SMG1: variants seen among roughly 807,000 people sequenced by gnomAD.
SMG1 encodes serine/threonine-protein kinase SMG1.
A neutral mutation model predicts 419.9 loss-of-function variants in SMG1; 22 were observed. That is an observed-to-expected ratio of 0.05 (90% CI 0.04 to 0.07). The LOEUF (loss-of-function observed/expected upper bound fraction) is 0.07. Ranked by LOEUF, SMG1 falls within the 10% of genes least tolerant of loss-of-function variation. The pLI, the probability that SMG1 is intolerant of heterozygous loss-of-function variation, is 1.00. For missense variants in SMG1, 3,185 were observed against 4,342.0 expected (o/e 0.73, Z 7.49); for synonymous variants, 1,538 against 1,553.5 (o/e 0.99, Z 0.23).
Position 18,806,525 on chromosome 16 carries a change from A to G in SMG1, c.*3044T>C, listed in dbSNP as rs2030851067. 6.6e-6 allele frequency: 1 copy of G among 152,320 alleles called. No homozygotes were observed. The highest frequency in any genetic ancestry group is 1.5e-5 in the Non-Finnish European group (1 of 68,050). 9.4% of individuals were successfully genotyped at this position (152,320 alleles called of 1,614,324 possible). ...ACTCAATGACCAAAAATAATCAATC[A>G]AACTTCAAGACACACCAAAGCAACA... On this transcript the variant is annotated 3_prime_UTR_variant, in exon 63 of 63. Coordinates refer to ENST00000446231, the MANE Select transcript of SMG1 (RefSeq NM_015092.5).
chr16:18,882,428 T>A lies in SMG1; in HGVS notation c.1120-90A>T, dbSNP rs2036439847. 6 of 697,648 alleles carry A rather than the reference T, an allele frequency of 8.6e-6. No individual in the cohort carries two copies. The South Asian group carries it at 2.5e-4, about 29-fold the overall frequency. The allele number at this position is 697,648 out of a possible 1,614,324, so 43.2% of individuals were successfully genotyped here. On this transcript the variant is annotated intron_variant, in intron 9 of 62. Transcript: ENST00000446231. ...TCTAAAATATTTCAATCAATTCATT[T>A]TAGAATAGATTTTTAGGCTTTTAGA... is the stretch of plus-strand genomic sequence containing the variant.
chr16:18,921,110 C>T (rs2038179855), intron 1 of SMG1, among the ~76,000 whole-genome samples: 1 of 149,456 alleles, frequency 6.7e-6, no homozygotes, highest in Admixed American at 6.7e-5. Flanking sequence ...TATACTCCAG[C>T]CTGGGCGACA....
intron 12 of SMG1, among the ~76,000 whole-genome samples, chr16:18,876,601 GT>G (rs2036144955): frequency 6.6e-6 from 1 of 150,692 alleles, no homozygotes; most frequent in Non-Finnish European, 1.5e-5. Context: ...AGTCTATAAA[GT>G]TTTATCACAA....
In SMG1 at chr16:18,844,454, ACCCC is replaced by A. The variant is rs71141073; in HGVS notation, c.6219+971_6219+974del. On this transcript the variant is annotated intron_variant, in intron 39 of 62. Coordinates refer to ENST00000446231, the MANE Select transcript of SMG1 (RefSeq NM_015092.5). ...AAAACAAACAAAACAAACAAACAAC[ACCCC>A]CCCCCCCCGCCCACCTACACACACA... Among the ~76,000 whole-genome samples the A allele has an allele frequency of 6.8e-4, 3 of 4,426 alleles. 1 individual carries two copies. Among genetic ancestry groups the A allele is most frequent in the South Asian group, 0.016 (1 of 64 alleles). 2.9% of individuals were successfully genotyped at this position (4,426 alleles called of 152,430 possible). A position where few individuals can be genotyped will look rare whatever the true frequency, so the allele number is the denominator to read the frequency against.
rs190236733 is a variant in SMG1 at position 18,913,061 on chromosome 16, G to A, written c.92+12889C>T. 2.2e-3 allele frequency among the ~76,000 whole-genome samples: 337 copies of A among 152,184 alleles called. 1 individual carries two copies. Among genetic ancestry groups the A allele is most frequent in the African/African-American group, 7.9e-3 (327 of 41,540 alleles). ...CTCTGGATCTTTTTACTCATCTAAT[G>A]AGAAAAGGGTCTCATTATACAAAGA... On this transcript the variant is annotated intron_variant, in intron 1 of 62. Transcript: ENST00000446231.
intron 51 of SMG1, among the ~76,000 whole-genome samples, chr16:18,831,776 T>C (rs369492471): frequency 1.1e-5 from 1 of 87,010 alleles, no homozygotes; most frequent in East Asian, 2.2e-4. Flanking sequence ...AAAAAATACA[T>C]ATATATATAT....
At position 18,828,202 on chromosome 16, in the gene SMG1, C is replaced by G. The variant is rs1419459139; in HGVS notation, c.9604-34G>C. ...AGAAAAAGAAATGTATTAAAATCAG[C>G]AGGAAAAAAGCGTTTAGATAAATAA... On this transcript the variant is annotated intron_variant, in intron 54 of 62. Coordinates refer to ENST00000446231, the MANE Select transcript of SMG1 (RefSeq NM_015092.5). 4.4e-6 allele frequency: 7 copies of G among 1,599,250 alleles called. No individual in the cohort carries two copies. The South Asian group carries it at 5.6e-5, about 13-fold the overall frequency.
In SMG1 at chr16:18,884,472, T is replaced by C. The variant is rs147691633; in HGVS notation, c.1022-305A>G. Among the ~76,000 whole-genome samples, 16 of 152,264 alleles carry C rather than the reference T, an allele frequency of 1.1e-4. No individual in the cohort carries two copies. In the East Asian group the frequency reaches 1.4e-3, roughly 13 times the overall value. ...ATGACTTAAGACTAAACTGCCACAA[T>C]CTACCATTGGCCCAGCTAATCCCAG... On this transcript the variant is annotated intron_variant, in intron 8 of 62. Transcript: ENST00000446231.
intron 56 of SMG1, among the ~76,000 whole-genome samples, chr16:18,819,129 G>A (rs1424045238): frequency 6.6e-6 from 1 of 152,190 alleles, no homozygotes; most frequent in African/African-American, 2.4e-5. Flanking sequence ...CAGGGCACAA[G>A]GTCTTAAGAC....
intron 1 of SMG1, among the ~76,000 whole-genome samples, chr16:18,919,819 G>A (rs1475463612): frequency 6.7e-6 from 1 of 150,364 alleles, no homozygotes; most frequent in Non-Finnish European, 1.5e-5. Context: ...GGGTTGGGGG[G>A]GTCCAGGCAC....
chr16:18,840,017 T>C (rs1567347519), intron 41 of SMG1, 71 bp from the exon 42 acceptor site: 4 of 1,244,768 alleles, frequency 3.2e-6, no homozygotes, highest in Non-Finnish European at 4.4e-6. Flanking sequence ...GCCTTTTGTA[T>C]GTAAAGTAGA....
intron 51 of SMG1, among the ~76,000 whole-genome samples, chr16:18,832,480 C>A (rs2033255862): frequency 1.3e-5 from 2 of 152,208 alleles, no homozygotes; most frequent in South Asian, 4.1e-4. Context: ...AGGGGTTCTA[C>A]AAGATGGCTT....
intron 12 of SMG1, 139 bp downstream of exon 12, chr16:18,876,988 TAAAA>T (rs965526149): frequency 3.4e-6 from 2 of 586,350 alleles, no homozygotes; most frequent in African/African-American, 3.8e-5. Flanking sequence ...AATACAAACT[TAAAA>T]GAACAAATAC....
intron 30 of SMG1, 112 bp from the exon 31 acceptor site, chr16:18,853,979 G>T: frequency 2.1e-6 from 2 of 959,648 alleles, no homozygotes; most frequent in Non-Finnish European, 3.0e-6. Flanking sequence ...CATGTTGATG[G>T]TTTCAAACTC....
intron 29 of SMG1, chr16:18,856,329 ATTTTTTTTT>A (rs11365913): frequency 1.8e-4 from 15 of 84,672 alleles, no homozygotes; most frequent in East Asian, 1.7e-3. Flanking sequence ...CACCCAGGTG[ATTTTTTTTT>A]TTTTTTTTTT....
chr16:18,917,432 A>T (rs2038022992), intron 1 of SMG1, among the ~76,000 whole-genome samples: 2 of 151,958 alleles, frequency 1.3e-5, no homozygotes, highest in Admixed American at 1.3e-4. Context: ...TACAGGTATG[A>T]GCCACCATAC....
chr16:18,902,208 C>T (rs2037375418), intron 1 of SMG1, among the ~76,000 whole-genome samples: 1 of 152,142 alleles, frequency 6.6e-6, no homozygotes, highest in Non-Finnish European at 1.5e-5. Flanking sequence ...CCAGTGCCAC[C>T]AGGAAGGTAT....
At chr16:18,811,559 G>A (rs1330352469) in intron 62 of SMG1, among the ~76,000 whole-genome samples, 1 of 152,188 alleles carries the variant, frequency 6.6e-6, no homozygotes, top group Non-Finnish European at 1.5e-5. Context: ...TAGGGGAAAG[G>A]AAAGTGCTCA....
chr16:18,819,224 G>C (rs546525681), intron 56 of SMG1, among the ~76,000 whole-genome samples: 1 of 152,338 alleles, frequency 6.6e-6, no homozygotes, highest in African/African-American at 2.4e-5. Flanking sequence ...GAGACCCAGA[G>C]AACCTTAAAC....
Sources: gnomAD v4.1 joint callset for allele counts (sites outside exome capture counted in the v4.1 genomes callset) on GRCh38, gnomAD v4.1.1 for gene constraint, MANE v1.5 for transcripts, NCBI Gene and HGNC (gene_info 2026-07-23, HGNC 2026-07-21) for gene names.